Variants in SLC36A1 observed in about 807,000 individuals in gnomAD.
SLC36A1 encodes proton-coupled amino acid transporter 1.
Under a neutral mutation model 47.5 loss-of-function variants are expected in SLC36A1, and 30 were observed. That is an observed-to-expected ratio of 0.63 (90% confidence interval 0.47 to 0.86). The LOEUF is 0.86. SLC36A1 is among the 40% of genes least tolerant of loss of function. SLC36A1 has a pLI of 0.00. For missense variants in SLC36A1, 517 were observed against 606.0 expected, an observed-to-expected ratio of 0.85 and a Z score of 1.54; for synonymous variants, 255 against 249.7, an observed-to-expected ratio of 1.02 and a Z score of -0.20.
At chr5:151,483,499 C>G (rs1759087172) in intron 10 of SLC36A1, among the ~76,000 whole-genome samples, 1 of 110,382 alleles carries the variant, frequency 9.1e-6, no homozygotes, top group Non-Finnish European at 1.7e-5. Context: ...TTTGTCTGGG[C>G]TGGGGTCTTT....
At chr5:151,517,689 G>C in the SLC36A1 span, 1 of 1,614,200 alleles carries the variant, frequency 6.2e-7, no homozygotes, top group Non-Finnish European at 8.5e-7. Context: ...TTTTCAGATA[G>C]AAATGGATGT....
chr5:151,373,485 G>GAT, the SLC36A1 span, among the ~76,000 whole-genome samples: 1 of 152,216 alleles, frequency 6.6e-6, no homozygotes, highest in East Asian at 1.9e-4. Flanking sequence ...ACATTGAAGT[G>GAT]ATAGCTTGTC....
chr5:151,363,808 C>T, the SLC36A1 span, among the ~76,000 whole-genome samples: 1 of 152,158 alleles, frequency 6.6e-6, no homozygotes, highest in African/African-American at 2.4e-5. Flanking sequence ...TTGCACCAAA[C>T]ACAGTGAAAA....
the SLC36A1 span, chr5:151,507,530 C>T: frequency 6.2e-7 from 1 of 1,614,140 alleles, no homozygotes; most frequent in South Asian, 1.1e-5. Flanking sequence ...TCAGTAACTC[C>T]TGCTGCCCCC....
the SLC36A1 span, among the ~76,000 whole-genome samples, chr5:151,354,569 T>C: frequency 1.1e-4 from 17 of 152,282 alleles, no homozygotes; most frequent in South Asian, 3.5e-3. Flanking sequence ...ATTTTATAGA[T>C]GGGGAAACTG....
At chr5:151,370,850 G>A in the SLC36A1 span, among the ~76,000 whole-genome samples, 19 of 152,162 alleles carry the variant, frequency 1.2e-4, no homozygotes, top group African/African-American at 3.4e-4. Context: ...AAAATTAGCC[G>A]GGCGTGATGG....
chr5:151,525,631 G>A, the SLC36A1 span: 3 of 886,050 alleles, frequency 3.4e-6, no homozygotes, highest in Non-Finnish European at 5.3e-6. Flanking sequence ...TTAGTCCTGA[G>A]AAGGACCTAG....
the SLC36A1 span, among the ~76,000 whole-genome samples, chr5:151,388,775 T>A: frequency 1.3e-5 from 2 of 152,264 alleles, no homozygotes; most frequent in East Asian, 3.9e-4. Flanking sequence ...AATTGAAATT[T>A]AGGGGACCTG....
the SLC36A1 span, among the ~76,000 whole-genome samples, chr5:151,403,978 C>G: frequency 6.6e-6 from 1 of 152,084 alleles, no homozygotes; most frequent in Non-Finnish European, 1.5e-5. Context: ...ATTTGTTAGT[C>G]TTCTCCTTTG....
At chr5:151,395,593 A>G in the SLC36A1 span, among the ~76,000 whole-genome samples, 2 of 152,072 alleles carry the variant, frequency 1.3e-5, no homozygotes, top group Non-Finnish European at 2.9e-5. Context: ...CATCCATGTC[A>G]CAGAGACTCT....
chr5:151,536,694 G>A, the SLC36A1 span, among the ~76,000 whole-genome samples: 1 of 152,204 alleles, frequency 6.6e-6, no homozygotes, highest in Admixed American at 6.5e-5. Flanking sequence ...CATCCACTGA[G>A]CCAGACCTGG....
chr5:151,496,765 A>C (rs1760356065), downstream of SLC36A1, among the ~76,000 whole-genome samples: 1 of 152,232 alleles, frequency 6.6e-6, no homozygotes, highest in Non-Finnish European at 1.5e-5. Flanking sequence ...CATGTTGGTC[A>C]GGCTGGTCTT....
chr5:151,525,088 G>C, the SLC36A1 span, among the ~76,000 whole-genome samples: 1 of 152,198 alleles, frequency 6.6e-6, no homozygotes, highest in African/African-American at 2.4e-5. Context: ...GCATGTAGTA[G>C]ATGCTCAATA....
intron 2 of SLC36A1, among the ~76,000 whole-genome samples, chr5:151,461,816 T>G (rs1211047398): frequency 6.6e-6 from 1 of 152,230 alleles, no homozygotes; most frequent in Non-Finnish European, 1.5e-5. Context: ...TTTAAAAATT[T>G]GAGACCCTTC....
intron 1 of SLC36A1, among the ~76,000 whole-genome samples, chr5:151,455,581 A>C (rs1180007276): frequency 6.6e-6 from 1 of 152,178 alleles, no homozygotes. Context: ...GTTGCTAGGG[A>C]AGGATTGGGC....
chr5:151,506,872 A>G, the SLC36A1 span, among the ~76,000 whole-genome samples: 1 of 152,146 alleles, frequency 6.6e-6, no homozygotes, highest in African/African-American at 2.4e-5. Context: ...TCTCACTCCA[A>G]GGGTTCTACC....
At chr5:151,458,315 T>TATATATATATATATGGG (rs1754938958) in intron 1 of SLC36A1, among the ~76,000 whole-genome samples, 6 of 55,780 alleles carry the variant, frequency 1.1e-4, no homozygotes, top group Middle Eastern at 6.7e-3. Flanking sequence ...TATATACGTA[T>TATATATATATATATGGG]ATATATATAT....
chr5:151,467,099 C>A, intron 5 of SLC36A1, 100 bp from the exon 6 acceptor site: 1 of 905,096 alleles, frequency 1.1e-6, no homozygotes, highest in Non-Finnish European at 1.8e-6. Flanking sequence ...CTTGTACTCC[C>A]TAAATCTATT....
the SLC36A1 span, among the ~76,000 whole-genome samples, chr5:151,432,037 C>T: frequency 3.9e-5 from 6 of 152,252 alleles, no homozygotes; most frequent in Admixed American, 2.0e-4. Flanking sequence ...GCTTCTCCAC[C>T]GCACACACAG....
Sources: allele counts gnomAD v4.1 joint callset (sites outside exome capture counted in the v4.1 genomes callset), GRCh38; gene constraint gnomAD v4.1.1; transcripts MANE v1.5; gene names NCBI Gene and HGNC (gene_info 2026-07-23, HGNC 2026-07-21).